The following MXRA7 variants were observed in gnomAD, a reference collection of about 807,000 sequenced individuals.
MXRA7 encodes the protein matrix-remodeling-associated protein 7.
MXRA7 carries 18 observed loss-of-function variants against 17.4 expected under a neutral mutation model. That is an observed-to-expected ratio of 1.03 (90% CI 0.71 to 1.53). MXRA7 has a LOEUF of 1.53. MXRA7 is among the 40% of genes most tolerant of loss of function. MXRA7 has a pLI of 0.00. For missense variants in MXRA7, 141 were observed against 209.3 expected, an observed-to-expected ratio of 0.67 and a Z score of 2.01; for synonymous variants, 70 against 101.7, an observed-to-expected ratio of 0.69 and a Z score of 1.87.
At chr17:76,706,569 G>T (rs112850719) in intron 1 of MXRA7, among the ~76,000 whole-genome samples, 1 of 152,352 alleles carries the variant, frequency 6.6e-6, no homozygotes, top group East Asian at 1.9e-4. Context: ...GGGAAGGCTG[G>T]GGTCTCTGTA....
intron 1 of MXRA7, 57 bp from the exon 2 acceptor site, chr17:76,688,233 TG>T: frequency 1.2e-6 from 2 of 1,608,618 alleles, no homozygotes; most frequent in Non-Finnish European, 1.7e-6. Flanking sequence ...TGGGAAGTGG[TG>T]GGGGGGCAGA....
rs368580327 is a variant in MXRA7, at chr17:76,688,136, G to T, written c.383C>A (p.Ser128Ter). The T allele has an allele frequency of 1.9e-6, 3 of 1,613,962 alleles. No homozygotes were observed. The highest frequency in any genetic ancestry group is 2.5e-6 in the Non-Finnish European group (3 of 1,180,002). The change falls in exon 2 of 4, where the codon TCG becomes TAG. Residue 128 changes from serine (S) to a stop codon, truncating the protein, a stop_gained. Transcript: ENST00000449428. LOFTEE classifies it high-confidence loss of function. ...QDLDGEKGPS[S>*]EGPEEEDGEG... is the part of the protein sequence containing the mutation. ...ACCGTCCTCCTCCTCAGGCCCTTCC[G>T]ATGATGGCCCCTTCTCACCATCCAA...
intron 1 of MXRA7, 48 bp from the exon 2 acceptor site, chr17:76,688,224 G>A (rs775736967): frequency 1.2e-6 from 2 of 1,611,364 alleles, no homozygotes; most frequent in South Asian, 2.2e-5. Context: ...ACTGGGTGAT[G>A]GGAAGTGGTG....
At chr17:76,710,231 T>G (rs1344477881) in intron 1 of MXRA7, among the ~76,000 whole-genome samples, 1 of 152,132 alleles carries the variant, frequency 6.6e-6, no homozygotes, top group Non-Finnish European at 1.5e-5. Context: ...CACGTGGATT[T>G]GGGAACCGGT....
At chr17:76,699,116 C>T (rs1176999676) in intron 1 of MXRA7, among the ~76,000 whole-genome samples, 1 of 152,076 alleles carries the variant, frequency 6.6e-6, no homozygotes. Flanking sequence ...CCATTCAATG[C>T]CTTCAGGTGG....
chr17:76,703,122 G>A (rs2076615069), intron 1 of MXRA7, among the ~76,000 whole-genome samples: 1 of 151,760 alleles, frequency 6.6e-6, no homozygotes, highest in East Asian at 1.9e-4. Context: ...AAAACAGCAA[G>A]ATTTATCTCA....
At chr17:76,707,446 C>T (rs181079322) in intron 1 of MXRA7, among the ~76,000 whole-genome samples, 23 of 152,046 alleles carry the variant, frequency 1.5e-4, no homozygotes, top group Non-Finnish European at 2.5e-4. Context: ...GATGGGATGA[C>T]GTGCACGCCA....
intron 1 of MXRA7, among the ~76,000 whole-genome samples, chr17:76,699,631 C>T (rs951176804): frequency 6.6e-6 from 1 of 152,140 alleles, no homozygotes; most frequent in African/African-American, 2.4e-5. Context: ...GGCTAAGAAC[C>T]GAGGGTGCCA....
chr17:76,691,818 G>A (rs998131920), intron 1 of MXRA7, among the ~76,000 whole-genome samples: 1 of 152,212 alleles, frequency 6.6e-6, no homozygotes, highest in Non-Finnish European at 1.5e-5. Context: ...CCAATATCAA[G>A]AATAGACAGG....
chr17:76,688,471 T>C (rs1192101995), intron 1 of MXRA7: 2 of 1,339,826 alleles, frequency 1.5e-6, no homozygotes, highest in Middle Eastern at 1.9e-4. Flanking sequence ...CTGTGTGCCA[T>C]TTGGAGAAGT....
At chr17:76,702,179 A>G (rs900053386) in intron 1 of MXRA7, among the ~76,000 whole-genome samples, 2 of 152,238 alleles carry the variant, frequency 1.3e-5, no homozygotes, top group Non-Finnish European at 2.9e-5. Flanking sequence ...ACCAGGTTGA[A>G]CAATTTTGAC....
chr17:76,688,337 G>A (rs1598346020), intron 1 of MXRA7, 161 bp from the exon 2 acceptor site: 2 of 1,455,958 alleles, frequency 1.4e-6, no homozygotes, highest in Admixed American at 5.2e-5. Flanking sequence ...CAGCAGGTGG[G>A]GGCTGTGTAC....
rs555416999 is a variant in MXRA7, at chr17:76,688,287, C to T, written c.343-111G>A. ...GAGGCCCTCGAAGGTCCAGCCTGCC[C>T]ACGCCCTGTGGCAGCGCCTGCCCTG... On this transcript the variant is annotated intron_variant, in intron 1 of 3. Transcript: ENST00000449428. 11 of 1,528,462 alleles carry T rather than the reference C, an allele frequency of 7.2e-6. No individual in the cohort carries two copies. The South Asian group carries it at 1.0e-4, about 14-fold the overall frequency. The allele number at this position is 1,528,462 out of a possible 1,614,324, so 94.7% of individuals were successfully genotyped here.
intron 1 of MXRA7, among the ~76,000 whole-genome samples, chr17:76,694,366 A>G (rs1311574271): frequency 6.6e-6 from 1 of 152,152 alleles, no homozygotes; most frequent in Non-Finnish European, 1.5e-5. Context: ...TTTGCAGGCC[A>G]AGAACATCTC....
chr17:76,688,808 T>C (rs986262344), intron 1 of MXRA7: 1 of 588,856 alleles, frequency 1.7e-6, no homozygotes, highest in Non-Finnish European at 2.5e-6. Flanking sequence ...GCCGTGCCCA[T>C]GGGCTCTGTG....
rs2076272788 is a variant in MXRA7 at position 76,679,637 on chromosome 17, G to A, written c.*1230C>T. The A allele has an allele frequency of 3.1e-6, 3 of 958,350 alleles. No homozygotes were observed. The highest frequency in any genetic ancestry group is 3.7e-6 in the Non-Finnish European group (3 of 805,306). 59.4% of individuals were successfully genotyped at this position (958,350 alleles called of 1,614,324 possible). ...AATACAGAGATCCAAGCCATGAGGA[G>A]TACATGAGGTGTGGTGCCTATAAGC... On this transcript the variant is annotated 3_prime_UTR_variant, in exon 4 of 4. Coordinates refer to ENST00000449428, the MANE Select transcript of MXRA7 (RefSeq NM_198530.4).
rs1471016997 is a variant in MXRA7 at position 76,681,728 on chromosome 17, G to A, written c.501-849C>T. 6.6e-6 allele frequency among the ~76,000 whole-genome samples: 1 copy of A among 152,222 alleles called. No homozygotes were observed. Among genetic ancestry groups the A allele is most frequent in the Non-Finnish European group, 1.5e-5 (1 of 68,038 alleles). On this transcript the variant is annotated intron_variant, in intron 3 of 3. Transcript: ENST00000449428. The surrounding 1 kb of genome is among the most constrained non-coding windows in gnomAD (Gnocchi z 4.7). The stretch of plus-strand genomic sequence containing the variant: ...CTCTGAGACCACAAGGTGGGAAGAA[G>A]TGATGGAGAGGAGCTGACAGCCGCG...
chr17:76,709,191 G>C (rs1342806955), intron 1 of MXRA7, among the ~76,000 whole-genome samples: 1 of 152,200 alleles, frequency 6.6e-6, no homozygotes, highest in African/African-American at 2.4e-5. Flanking sequence ...AGCCCTGTAA[G>C]GCCAGGACTG....
At chr17:76,687,847 C>CA (rs1462280379) in intron 2 of MXRA7, among the ~76,000 whole-genome samples, 1 of 152,232 alleles carries the variant, frequency 6.6e-6, no homozygotes, top group Non-Finnish European at 1.5e-5. Context: ...AGGACAGAGC[C>CA]AGGCAGGGCG....
Sources: gnomAD v4.1 joint callset for allele counts (sites outside exome capture counted in the v4.1 genomes callset) on GRCh38, gnomAD v4.1.1 for gene constraint, Gnocchi (gnomAD v3.1) non-coding constraint, MANE v1.5 for transcripts, NCBI Gene and HGNC (gene_info 2026-07-23, HGNC 2026-07-21) for gene names.